COL28A1: variants seen among roughly 807,000 people sequenced by gnomAD.
COL28A1 encodes the protein collagen type XXVIII alpha 1 chain.
In COL28A1, 161 loss-of-function variants were observed where a neutral mutation model predicts 150.2. That is an observed-to-expected ratio of 1.07 (90% CI 0.94 to 1.22). The LOEUF (loss-of-function observed/expected upper bound fraction) is 1.22. Ranked by LOEUF, COL28A1 falls within the 50% of genes most tolerant of loss-of-function variation. COL28A1 has a pLI of 0.00. For missense variants in COL28A1, 1,617 were observed against 1,388.3 expected, an observed-to-expected ratio of 1.16 and a Z score of -2.62; for synonymous variants, 552 against 469.7, an observed-to-expected ratio of 1.18 and a Z score of -2.26.
chr7:7,408,097 A>G (rs1440237123), intron 27 of COL28A1, among the ~76,000 whole-genome samples: 1 of 151,884 alleles, frequency 6.6e-6, no homozygotes, highest in Non-Finnish European at 1.5e-5. Context: ...TCATTTTAAT[A>G]CTGTTTGTTC....
intron 11 of COL28A1, 74 bp downstream of exon 11, chr7:7,505,940 T>G: frequency 1.2e-6 from 1 of 824,934 alleles, no homozygotes; most frequent in Non-Finnish European, 2.1e-6. Context: ...GACTTTTACC[T>G]AATAAAACAT....
chr7:7,515,730 A>C (rs1781379434), intron 8 of COL28A1, 84 bp downstream of exon 8: 13 of 770,082 alleles, frequency 1.7e-5, no homozygotes, highest in Non-Finnish European at 3.0e-5. Context: ...AAAGAAAATA[A>C]CTTTTATTAA....
intron 18 of COL28A1, among the ~76,000 whole-genome samples, chr7:7,448,534 C>T (rs923488278): frequency 6.6e-6 from 1 of 151,426 alleles, no homozygotes; most frequent in African/African-American, 2.4e-5. Flanking sequence ...ACCTTCTGAC[C>T]TAGCCATTTG....
At chr7:7,538,386 T>A (rs187946805), upstream of COL28A1, among the ~76,000 whole-genome samples, 2 of 152,336 alleles carry the variant, frequency 1.3e-5, no homozygotes, top group Non-Finnish European at 2.9e-5. Flanking sequence ...TATAGCACAC[T>A]ATTTTCATTG....
intron 9 of COL28A1, among the ~76,000 whole-genome samples, chr7:7,510,292 T>C (rs1468247507): frequency 1.3e-5 from 2 of 152,084 alleles, no homozygotes; most frequent in Admixed American, 6.5e-5. Context: ...GATTGATTGA[T>C]TGATTGATTT....
chr7:7,529,078 G>A (rs1325815605), intron 3 of COL28A1, among the ~76,000 whole-genome samples: 1 of 152,032 alleles, frequency 6.6e-6, no homozygotes, highest in Non-Finnish European at 1.5e-5. Context: ...GAGGCGGGCA[G>A]ATCACCTGAG....
intron 21 of COL28A1, among the ~76,000 whole-genome samples, chr7:7,438,857 A>G (rs1344095354): frequency 6.6e-6 from 1 of 152,182 alleles, no homozygotes; most frequent in Non-Finnish European, 1.5e-5. Context: ...TGAGCTATGA[A>G]CGGCTTTCAC....
rs1347144111 is a variant in COL28A1 at position 7,373,219 on chromosome 7, T to G, written c.2687A>C (p.Lys896Thr). ...DMFEDARPGVKKVALVITDGQ... is the reference protein window; with the variant it reads ...DMFEDARPGVTKVALVITDGQ... ...ATCAGTGATGACCAAGGCCACTTTT[T>G]TTACACCTGGCCTTGCATCTTCAAA... The change falls in exon 32 of 35, where the codon AAA becomes ACA. Residue 896 changes from lysine (K) to threonine (T), a missense_variant. Transcript: ENST00000399429. This position sits in a 1 kb window ranked among gnomAD's most constrained non-coding sequence, Gnocchi z 4.1. The G allele has an allele frequency of 1.2e-6, 2 of 1,614,208 alleles. No homozygotes were observed. The highest frequency in any genetic ancestry group is 4.5e-5 in the East Asian group (2 of 44,888).
intron 15 of COL28A1, among the ~76,000 whole-genome samples, chr7:7,461,031 T>C (rs1250382070): frequency 2.0e-5 from 3 of 152,160 alleles, no homozygotes; most frequent in African/African-American, 7.2e-5. Flanking sequence ...ACGGACTTGC[T>C]GAAGGGAATG....
Position 7,531,780 on chromosome 7 carries a change from A to G in COL28A1, c.249T>C (p.Pro83=). 6.2e-7 allele frequency: 1 copy of G among 1,606,510 alleles called. No homozygotes were observed. Among genetic ancestry groups the G allele is most frequent in the Non-Finnish European group, 8.5e-7 (1 of 1,173,084 alleles). The change falls in exon 3 of 35, where the codon CCT becomes CCC. Residue 83 remains proline (P), a synonymous_variant. Coordinates refer to ENST00000399429, the MANE Select transcript of COL28A1 (RefSeq NM_001037763.3). The part of the protein sequence containing the change: ...SLSDKIFQLT[P]GRSLEYDIKL... ...TGATGTCATATTCCAAGGAGCGACC[A>G]GGAGTCAATTGGAAAATCTTGTCAC...
chr7:7,417,825 C>A lies in COL28A1; in HGVS notation c.2136+34G>T, dbSNP rs748473641. The A allele has an allele frequency of 1.9e-6, 3 of 1,570,704 alleles. No individual in the cohort carries two copies. In the African/African-American group the frequency reaches 4.1e-5, roughly 21 times the overall value. ...CTTCTCCCAATCACTCTGGTGAAATCAGAGGTGACTCCAGCACAACCCTAT... is the reference window on the plus strand; with the variant it reads ...CTTCTCCCAATCACTCTGGTGAAATAAGAGGTGACTCCAGCACAACCCTAT... On this transcript the variant is annotated intron_variant, in intron 27 of 34. Coordinates refer to ENST00000399429, the MANE Select transcript of COL28A1 (RefSeq NM_001037763.3).
intron 3 of COL28A1, among the ~76,000 whole-genome samples, chr7:7,531,078 T>C (rs78466499): frequency 0.017 from 2,523 of 152,194 alleles, 72 homozygotes; most frequent in African/African-American, 0.058. Flanking sequence ...AGGTATATGA[T>C]TGGAAAATAA....
At position 7,432,514 on chromosome 7, in the gene COL28A1, C is replaced by G. The variant is rs1785041826; in HGVS notation, c.1957G>C (p.Gly653Arg). The change falls in exon 25 of 35, where the codon GGG becomes CGG. Residue 653 changes from glycine to arginine, a missense_variant. Gly to Arg is a moderately radical substitution (Grantham distance 125). Coordinates refer to ENST00000399429, the MANE Select transcript of COL28A1 (RefSeq NM_001037763.3). ...CCCACTCCACGTAAACCCATCGGCC[C>G]AGGGGGTCCTGGTAATCCACGAGGT... Reference protein sequence around the residue: ...PGPRGLPGPPGPMGLRGVGDT... With the variant: ...PGPRGLPGPPRPMGLRGVGDT... 3 of 1,613,948 alleles carry G rather than the reference C, an allele frequency of 1.9e-6. No homozygotes were observed. The highest frequency in any genetic ancestry group is 1.7e-5 in the Admixed American group (1 of 59,986).
At chr7:7,408,371 C>A (rs893657852) in intron 27 of COL28A1, among the ~76,000 whole-genome samples, 1 of 152,056 alleles carries the variant, frequency 6.6e-6, no homozygotes, top group South Asian at 2.1e-4. Context: ...TTTCCCCTCA[C>A]TTCTTATAAT....
intron 11 of COL28A1, among the ~76,000 whole-genome samples, chr7:7,494,866 A>T (rs761883825): frequency 3.2e-4 from 49 of 152,324 alleles, no homozygotes; most frequent in Non-Finnish European, 5.6e-4. Context: ...AGTAGAGGAG[A>T]TGTTTGATCC....
At chr7:7,451,521 G>A (rs1250119804) in intron 18 of COL28A1, among the ~76,000 whole-genome samples, 1 of 152,100 alleles carries the variant, frequency 6.6e-6, no homozygotes, top group Non-Finnish European at 1.5e-5. Context: ...ACTACGCCCA[G>A]CAGAAATACT....
chr7:7,486,652 G>C (rs1779640709), intron 13 of COL28A1, among the ~76,000 whole-genome samples: 1 of 152,106 alleles, frequency 6.6e-6, no homozygotes, highest in Non-Finnish European at 1.5e-5. Flanking sequence ...GCGTTTATTA[G>C]GGTTTTGAGT....
chr7:7,381,180 G>A (rs776485497), intron 28 of COL28A1, among the ~76,000 whole-genome samples: 6 of 151,790 alleles, frequency 4.0e-5, no homozygotes, highest in Non-Finnish European at 5.9e-5. Flanking sequence ...TCTCCTACAT[G>A]GTATGTTGTA....
intron 21 of COL28A1, among the ~76,000 whole-genome samples, chr7:7,437,755 C>G (rs966073488): frequency 2.0e-5 from 3 of 152,110 alleles, no homozygotes; most frequent in African/African-American, 7.2e-5. Flanking sequence ...ATTCATGGTG[C>G]TTCCTTTTTG....
Sources: gnomAD v4.1 joint callset for allele counts (sites outside exome capture counted in the v4.1 genomes callset) on GRCh38, gnomAD v4.1.1 for gene constraint, Gnocchi (gnomAD v3.1) non-coding constraint, MANE v1.5 for transcripts, NCBI Gene and HGNC (gene_info 2026-07-23, HGNC 2026-07-21) for gene names.